The following ZNF654 variants were observed in gnomAD, a reference collection of about 807,000 sequenced individuals.
The protein encoded by ZNF654 is zinc finger protein 654.
ZNF654 carries 19 observed loss-of-function variants against 95.3 expected under a neutral mutation model. The observed-to-expected ratio is 0.20, with a 90% CI of 0.14 to 0.29. The LOEUF is 0.29. ZNF654 is among the 10% of genes least tolerant of loss of function. The pLI is 1.00. For missense variants in ZNF654, 1,046 were observed against 1,341.0 expected (o/e 0.78, Z 3.44); for synonymous variants, 413 against 457.9 (o/e 0.90, Z 1.25).
chr3:88,134,607 T>C (rs1377821069), intron 6 of ZNF654, among the ~76,000 whole-genome samples: 1 of 152,116 alleles, frequency 6.6e-6, no homozygotes, highest in African/African-American at 2.4e-5. Context: ...AATACTATAC[T>C]TACAGTTTTA....
chr3:88,070,523 AC>A (rs1283496902), intron 1 of ZNF654, among the ~76,000 whole-genome samples: 6 of 151,034 alleles, frequency 4.0e-5, no homozygotes, highest in African/African-American at 1.5e-4. Context: ...AAAGTTATGA[AC>A]CTTTGCTATA....
intron 2 of ZNF654, among the ~76,000 whole-genome samples, chr3:88,096,893 GA>G (rs1200749817): frequency 2.0e-5 from 3 of 151,844 alleles, no homozygotes; most frequent in Non-Finnish European, 4.4e-5. Flanking sequence ...GCATATATAA[GA>G]AAAAAACCTC....
chr3:88,078,711 T>G (rs1037408485), intron 1 of ZNF654, among the ~76,000 whole-genome samples: 1 of 152,132 alleles, frequency 6.6e-6, no homozygotes, highest in Non-Finnish European at 1.5e-5. Flanking sequence ...TGGTAATGGA[T>G]ATGAGAGATA....
chr3:88,130,117 G>A (rs1270652131), intron 6 of ZNF654, among the ~76,000 whole-genome samples: 1 of 152,146 alleles, frequency 6.6e-6, no homozygotes, highest in Non-Finnish European at 1.5e-5. Flanking sequence ...AAAGTTGCTA[G>A]TAGAATATAT....
At chr3:88,132,662 G>A (rs1345380163) in intron 6 of ZNF654, among the ~76,000 whole-genome samples, 1 of 152,132 alleles carries the variant, frequency 6.6e-6, no homozygotes, top group Non-Finnish European at 1.5e-5. Context: ...AAACTTATTA[G>A]GATATTGCAG....
At chr3:88,080,695 C>G (rs539815371) in intron 1 of ZNF654, among the ~76,000 whole-genome samples, 1 of 152,068 alleles carries the variant, frequency 6.6e-6, no homozygotes, top group Non-Finnish European at 1.5e-5. Context: ...AAGGGCAAAT[C>G]TTGAGGTGCA....
Position 88,140,695 on chromosome 3 carries a change from T to C in ZNF654, c.3026T>C (p.Ile1009Thr). The change falls in exon 8 of 9, where the codon ATT becomes ACT. Residue 1009 changes from isoleucine to threonine, a missense_variant. Around this residue, in one of 9 missense-constraint regions of ZNF654, gnomAD observed 495 missense variants for 537.0 expected, o/e 0.92. Coordinates refer to ENST00000636215, the MANE Select transcript of ZNF654 (RefSeq NM_001350134.2). ...TNRIRTENGS[I>T]LPSVVPQEHN... The stretch of plus-strand genomic sequence containing the variant: ...AGAATCAGGACAGAAAATGGTTCCA[T>C]TTTGCCCAGTGTTGTACCACAAGAA... The C allele has an allele frequency of 1.9e-6, 3 of 1,613,738 alleles. No individual in the cohort carries two copies. Among genetic ancestry groups the C allele is most frequent in the Non-Finnish European group, 2.5e-6 (3 of 1,179,740 alleles).
chr3:88,112,221 ATATT>A (rs754971220), intron 2 of ZNF654, among the ~76,000 whole-genome samples: 42 of 151,934 alleles, frequency 2.8e-4, no homozygotes, highest in Non-Finnish European at 4.9e-4. Flanking sequence ...AAAAGCATAT[ATATT>A]CTCATGTTTA....
chr3:88,133,626 C>T (rs1706595447), intron 6 of ZNF654, among the ~76,000 whole-genome samples: 1 of 152,092 alleles, frequency 6.6e-6, no homozygotes, highest in Non-Finnish European at 1.5e-5. Context: ...ATAAATGAAG[C>T]AGTTTAGCTG....
chr3:88,133,510 A>C (rs1237145299), intron 6 of ZNF654, among the ~76,000 whole-genome samples: 1 of 152,186 alleles, frequency 6.6e-6, no homozygotes, highest in Admixed American at 6.6e-5. Context: ...TGGGGTATTC[A>C]TGAAGGCTTT....
At position 88,143,629 on chromosome 3, in the gene ZNF654, T is replaced by C. The variant is rs1053042042; in HGVS notation, c.*1977T>C. On this transcript the variant is annotated 3_prime_UTR_variant, in exon 9 of 9. Transcript: ENST00000636215. ...TTGATATAAATCCATGCCCACAAAG[T>C]ATTCCATTTTCATTACTTTTACTGT... 2.0e-5 allele frequency: 3 copies of C among 152,304 alleles called. No individual in the cohort carries two copies. The highest frequency in any genetic ancestry group is 7.2e-5 in the African/African-American group (3 of 41,428). The allele number at this position is 152,304 out of a possible 1,614,324, so 9.4% of individuals were successfully genotyped here.
chr3:88,138,657 A>G (rs1706949158), intron 7 of ZNF654, 48 bp from the exon 8 acceptor site: 1 of 1,157,630 alleles, frequency 8.6e-7, no homozygotes, highest in South Asian at 4.4e-5. Context: ...TAGTATAACC[A>G]TTTTTTTGGA....
chr3:88,104,990 A>G (rs1186321946), intron 2 of ZNF654, among the ~76,000 whole-genome samples: 1 of 152,144 alleles, frequency 6.6e-6, no homozygotes, highest in African/African-American at 2.4e-5. Flanking sequence ...AATACCAAAA[A>G]TTAGTCAGGT....
chr3:88,135,177 C>T lies in ZNF654; in HGVS notation c.1010C>T (p.Pro337Leu). ...RTATNVRVIF[P>L]FMKIIKDEVE... Reference sequence around the variant, plus strand: ...GCAACTAATGTGAGAGTCATATTTCCTTTCATGAAAATCATCAAAGATGAG... The same window carrying T: ...GCAACTAATGTGAGAGTCATATTTCTTTTCATGAAAATCATCAAAGATGAG... Residue 337 changes from proline (P) to leucine (L), a missense_variant, in exon 7 of 9, where the codon CCT becomes CTT. By Grantham distance (98) the Pro-to-Leu change is moderately conservative (BLOSUM62 -3). Around this residue, in one of 9 missense-constraint regions of ZNF654, gnomAD observed 121 missense variants for 141.7 expected, o/e 0.85. Coordinates refer to ENST00000636215, the MANE Select transcript of ZNF654 (RefSeq NM_001350134.2). 3 of 1,478,862 alleles carry T rather than the reference C, an allele frequency of 2.0e-6. No homozygotes were observed. Among genetic ancestry groups the T allele is most frequent in the South Asian group, 2.7e-5 (2 of 72,810 alleles). The allele number at this position is 1,478,862 out of a possible 1,614,324, so 91.6% of individuals were successfully genotyped here.
intron 1 of ZNF654, among the ~76,000 whole-genome samples, chr3:88,067,271 C>G (rs1283831138): frequency 6.6e-6 from 1 of 152,142 alleles, no homozygotes; most frequent in Admixed American, 6.5e-5. Flanking sequence ...TATTTGGATA[C>G]CTGGGCAAGT....
chr3:88,119,455 G>C (rs1291709721), intron 3 of ZNF654, among the ~76,000 whole-genome samples: 2 of 147,028 alleles, frequency 1.4e-5, no homozygotes, highest in Non-Finnish European at 3.0e-5. Flanking sequence ...TGACGAGTTA[G>C]TGGGTGTGCG....
In ZNF654 at chr3:88,059,356, C is replaced by G. The variant is rs1210846523; in HGVS notation, c.37C>G (p.Leu13Val). The G allele has an allele frequency of 6.5e-7, 1 of 1,535,068 alleles. No homozygotes were observed. The highest frequency in any genetic ancestry group is 1.2e-5 in the South Asian group (1 of 84,046). ...AGAGAGCGACCAAGAGGCCGAACGC[C>G]TCGGAGAAGAGCTTGTGGCCATTGT... Reference protein sequence around the residue: ...EEESDQEAERLGEELVAIVES... With the variant: ...EEESDQEAERVGEELVAIVES... The change falls in exon 1 of 9, where the codon CTC becomes GTC. Residue 13 changes from leucine (L) to valine (V), a missense_variant. Physicochemically the swap from Leu to Val is conservative, Grantham distance 32 (BLOSUM62 1). Transcript: ENST00000636215.
At chr3:88,132,969 A>G (rs1183906025) in intron 6 of ZNF654, among the ~76,000 whole-genome samples, 1 of 152,196 alleles carries the variant, frequency 6.6e-6, no homozygotes, top group East Asian at 1.9e-4. Flanking sequence ...GTAGTTCTCA[A>G]AGATAACTGC....
chr3:88,133,373 G>T (rs1706578496), intron 6 of ZNF654, among the ~76,000 whole-genome samples: 1 of 152,084 alleles, frequency 6.6e-6, no homozygotes, highest in South Asian at 2.1e-4. Context: ...ATGTGTCATT[G>T]TGTATACTTA....
Sources: allele counts gnomAD v4.1 joint callset (sites outside exome capture counted in the v4.1 genomes callset), GRCh38; gene constraint gnomAD v4.1.1; regional missense constraint gnomAD v4.1.1; transcripts MANE v1.5; gene names NCBI Gene and HGNC (gene_info 2026-07-23, HGNC 2026-07-21).